PM20D2: variants seen among roughly 807,000 people sequenced by gnomAD.
PM20D2 encodes the protein xaa-Arg dipeptidase.
PM20D2 carries 33 observed loss-of-function variants against 42.9 expected under a neutral mutation model. That is an observed-to-expected ratio of 0.77 (90% CI 0.58 to 1.03). The LOEUF (loss-of-function observed/expected upper bound fraction) is 1.03. Ranked by LOEUF, PM20D2 falls within the 50% of genes least tolerant of loss-of-function variation. PM20D2 has a pLI of 0.00. For synonymous variants in PM20D2, 250 were observed against 228.2 expected, an observed-to-expected ratio of 1.10 and a Z score of -0.86; for missense variants, 548 against 557.0, an observed-to-expected ratio of 0.98 and a Z score of 0.16.
chr6:89,150,531 CTTTTTTTT>C (rs753768538), intron 2 of PM20D2, among the ~76,000 whole-genome samples: 24 of 59,424 alleles, frequency 4.0e-4, no homozygotes, highest in Non-Finnish European at 6.2e-4. Flanking sequence ...CTGATCATCT[CTTTTTTTT>C]TTTTTTTTTT....
rs1344003252 is a variant in PM20D2, at chr6:89,162,327, A to G, written c.*64A>G. The G allele has an allele frequency of 2.1e-6, 3 of 1,459,408 alleles. No homozygotes were observed. The highest frequency in any genetic ancestry group is 2.8e-6 in the Non-Finnish European group (3 of 1,073,360). The allele number at this position is 1,459,408 out of a possible 1,614,324, so 90.4% of individuals were successfully genotyped here. A position where few individuals can be genotyped will look rare whatever the true frequency, so the allele number is the denominator to read the frequency against. On this transcript the variant is annotated 3_prime_UTR_variant, in exon 7 of 7. Transcript: ENST00000275072. ...GATTTTTTTCTTTTAATCTCTTTTA[A>G]TGAAGGCATGCTTGTTTTTTAATCT...
the PM20D2 span, among the ~76,000 whole-genome samples, chr6:89,124,935 A>T: frequency 1.3e-5 from 2 of 151,530 alleles, no homozygotes; most frequent in Non-Finnish European, 2.9e-5. Flanking sequence ...AGGTCTTGCT[A>T]TGTTTCCAGG....
intron 5 of PM20D2, 35 bp from the exon 6 acceptor site, chr6:89,161,742 ATATACT>A (rs1771245456): frequency 6.9e-7 from 1 of 1,451,812 alleles, no homozygotes; most frequent in South Asian, 1.1e-5. Flanking sequence ...ACTTAACCAC[ATATACT>A]TAAATAGACT....
the PM20D2 span, among the ~76,000 whole-genome samples, chr6:89,138,064 T>C: frequency 3.1e-5 from 3 of 97,264 alleles, no homozygotes; most frequent in African/African-American, 9.1e-5. Context: ...TTTCAAGATT[T>C]CTTTTTTTTT....
Position 89,162,143 on chromosome 6 carries a change from G to C in PM20D2, c.1191G>C (p.Thr397=). Residue 397 remains threonine (T), a synonymous_variant, in exon 7 of 7, where the codon ACG becomes ACC. Coordinates refer to ENST00000275072, the MANE Select transcript of PM20D2 (RefSeq NM_001010853.3). ...AAGCTCAGTTCTACACTCTGCGGACGGCCAAAGCTCTGGCAATGACGGCAC... is the reference window on the plus strand; with the variant it reads ...AAGCTCAGTTCTACACTCTGCGGACCGCCAAAGCTCTGGCAATGACGGCAC... The part of the protein sequence containing the change: ...SQEAQFYTLR[T]AKALAMTALD... The C allele has an allele frequency of 6.2e-7, 1 of 1,614,054 alleles. No homozygotes were observed. The highest frequency in any genetic ancestry group is 8.5e-7 in the Non-Finnish European group (1 of 1,179,982).
chr6:89,141,071 C>T (rs905875523), upstream of PM20D2, among the ~76,000 whole-genome samples: 1 of 152,172 alleles, frequency 6.6e-6, no homozygotes, highest in Non-Finnish European at 1.5e-5. Flanking sequence ...TAGAAATGCA[C>T]TTTCCTTGGT....
At chr6:89,117,905 C>T in the PM20D2 span, 1 of 1,557,968 alleles carries the variant, frequency 6.4e-7, no homozygotes, top group South Asian at 1.2e-5. Flanking sequence ...TCCTCCGTTC[C>T]CTCCGGGTCT....
chr6:89,153,431 A>G (rs968758336), intron 3 of PM20D2, among the ~76,000 whole-genome samples: 1 of 152,136 alleles, frequency 6.6e-6, no homozygotes. Context: ...TCAAAGATAA[A>G]GGTTTTATGT....
chr6:89,105,727 G>A, the PM20D2 span: 1 of 356,576 alleles, frequency 2.8e-6, no homozygotes, highest in African/African-American at 2.1e-5. Flanking sequence ...ATGTTTAGAA[G>A]AGTGAGTCTA....
chr6:89,107,003 G>A, the PM20D2 span: 2 of 823,740 alleles, frequency 2.4e-6, no homozygotes, highest in Non-Finnish European at 4.0e-6. Context: ...GTGCTTGCCA[G>A]CTACTGTGGA....
intron 4 of PM20D2, among the ~76,000 whole-genome samples, chr6:89,156,620 G>A (rs1008795330): frequency 6.6e-6 from 1 of 152,186 alleles, no homozygotes; most frequent in Non-Finnish European, 1.5e-5. Flanking sequence ...GGAATGTGTC[G>A]TGAGGATCAG....
the PM20D2 span, among the ~76,000 whole-genome samples, chr6:89,122,593 T>C: frequency 6.6e-6 from 1 of 152,234 alleles, no homozygotes; most frequent in Non-Finnish European, 1.5e-5. Flanking sequence ...CTGATTAATA[T>C]CTTAATCAGA....
At chr6:89,120,148 T>A in the PM20D2 span, among the ~76,000 whole-genome samples, 1 of 152,156 alleles carries the variant, frequency 6.6e-6, no homozygotes, top group Non-Finnish European at 1.5e-5. Flanking sequence ...GATTCAGTTA[T>A]CTCCCTCTAG....
At chr6:89,114,573 T>A in the PM20D2 span, among the ~76,000 whole-genome samples, 1 of 151,794 alleles carries the variant, frequency 6.6e-6, no homozygotes, top group Non-Finnish European at 1.5e-5. Context: ...TATAATCTTG[T>A]AGATTTTGAT....
the PM20D2 span, among the ~76,000 whole-genome samples, chr6:89,112,447 CTTTTTTT>C: frequency 7.8e-6 from 1 of 128,880 alleles, no homozygotes; most frequent in African/African-American, 2.8e-5. Flanking sequence ...TCTTTTCTTT[CTTTTTTT>C]TTTTTTTTTG....
intron 5 of PM20D2, among the ~76,000 whole-genome samples, chr6:89,160,935 G>A (rs527826861): frequency 1.3e-5 from 2 of 151,998 alleles, no homozygotes; most frequent in African/African-American, 2.4e-5. Context: ...CTAGGGCATC[G>A]AGAGTAGTGG....
the PM20D2 span, among the ~76,000 whole-genome samples, chr6:89,099,517 C>T: frequency 0.056 from 391 of 6,968 alleles, 6 homozygotes; most frequent in African/African-American, 0.36. Context: ...TATATATATA[C>T]ACACACACAC....
At chr6:89,151,420 G>C (rs1770836592) in intron 2 of PM20D2, among the ~76,000 whole-genome samples, 1 of 151,980 alleles carries the variant, frequency 6.6e-6, no homozygotes, top group Admixed American at 6.6e-5. Context: ...AGTAGAGACA[G>C]GGTCACCATG....
chr6:89,101,308 A>G, the PM20D2 span, among the ~76,000 whole-genome samples: 3 of 152,236 alleles, frequency 2.0e-5, no homozygotes, highest in African/African-American at 7.2e-5. Context: ...ATAGAATTTT[A>G]CAAAACTAAC....
Sources: gnomAD v4.1 joint callset for allele counts (sites outside exome capture counted in the v4.1 genomes callset) on GRCh38, gnomAD v4.1.1 for gene constraint, MANE v1.5 for transcripts, NCBI Gene and HGNC (gene_info 2026-07-23, HGNC 2026-07-21) for gene names.